The following SMYD3 variants were observed in gnomAD, a reference collection of about 807,000 sequenced individuals.
SMYD3 encodes the protein SET and MYND domain containing 3.
SMYD3 carries 36 observed loss-of-function variants against 57.7 expected under a neutral mutation model. The observed-to-expected ratio is 0.62, with a 90% CI of 0.48 to 0.82. The LOEUF (loss-of-function observed/expected upper bound fraction) is 0.82. Among genes scored for constraint, SMYD3 ranks in the 40% least tolerant of loss-of-function variants. SMYD3 has a pLI of 0.00. For synonymous variants in SMYD3, 211 were observed against 195.0 expected, an observed-to-expected ratio of 1.08 and a Z score of -0.68; for missense variants, 515 against 538.8, an observed-to-expected ratio of 0.96 and a Z score of 0.44.
intron 10 of SMYD3, among the ~76,000 whole-genome samples, chr1:245,836,191 A>G (rs1311842258): frequency 6.6e-6 from 1 of 152,246 alleles, no homozygotes; most frequent in African/African-American, 2.4e-5. Flanking sequence ...TCAGCTGGAT[A>G]TAAACAGAAG....
At position 246,171,409 on chromosome 1, in the gene SMYD3, G is replaced by A. The variant is rs113461172; in HGVS notation, c.531+155792C>T. On this transcript the variant is annotated intron_variant, in intron 5 of 11. Transcript: ENST00000490107. ...TCTTTTTCCAGAGGGATGGGGGTAG[G>A]GAGTGCCGGTGTCATCACTGGAAAA... Among the ~76,000 whole-genome samples, 243 of 152,148 alleles carry A rather than the reference G, an allele frequency of 1.6e-3. 1 individual carries two copies. The highest frequency in any genetic ancestry group is 5.4e-3 in the African/African-American group (225 of 41,496).
At chr1:245,856,726 G>A (rs1017783877) in intron 10 of SMYD3, among the ~76,000 whole-genome samples, 1 of 152,202 alleles carries the variant, frequency 6.6e-6, no homozygotes, top group Non-Finnish European at 1.5e-5. Flanking sequence ...CTGTGCTTAA[G>A]AGTGGCCCGA....
chr1:246,108,416 C>A (rs1275978284), intron 5 of SMYD3, among the ~76,000 whole-genome samples: 1 of 152,160 alleles, frequency 6.6e-6, no homozygotes, highest in Non-Finnish European at 1.5e-5. Flanking sequence ...AGATCACACC[C>A]TCACACAATT....
intron 8 of SMYD3, among the ~76,000 whole-genome samples, chr1:245,894,002 G>T (rs115968610): frequency 3.0e-3 from 456 of 152,288 alleles, no homozygotes; most frequent in African/African-American, 0.011. Flanking sequence ...CTTTGATATG[G>T]TTGTAGAGAG....
At chr1:245,883,662 C>T (rs181047789) in intron 8 of SMYD3, among the ~76,000 whole-genome samples, 1 of 152,260 alleles carries the variant, frequency 6.6e-6, no homozygotes, top group African/African-American at 2.4e-5. Context: ...TTTAAAGCAG[C>T]CTTTACCCAT....
intron 10 of SMYD3, among the ~76,000 whole-genome samples, chr1:245,773,281 C>A (rs970662844): frequency 6.6e-6 from 1 of 152,144 alleles, no homozygotes; most frequent in Non-Finnish European, 1.5e-5. Flanking sequence ...GGTGAGTGTC[C>A]TCATTAAGGG....
intron 5 of SMYD3, among the ~76,000 whole-genome samples, chr1:246,250,904 A>G (rs1370888234): frequency 6.6e-6 from 1 of 152,214 alleles, no homozygotes; most frequent in Non-Finnish European, 1.5e-5. Context: ...CTCAAAATTA[A>G]TTTACTTCAC....
chr1:246,049,001 G>T (rs2060016337), intron 5 of SMYD3, among the ~76,000 whole-genome samples: 1 of 152,152 alleles, frequency 6.6e-6, no homozygotes, highest in Non-Finnish European at 1.5e-5. Flanking sequence ...CATACGACGA[G>T]AGGATTTGGC....
At chr1:246,312,820 G>A (rs548688060) in intron 5 of SMYD3, among the ~76,000 whole-genome samples, 5 of 152,356 alleles carry the variant, frequency 3.3e-5, no homozygotes, top group African/African-American at 1.2e-4. Context: ...GAAGGACAAT[G>A]ATGAGCAGGT....
At chr1:245,938,858 T>C (rs2057094898) in intron 5 of SMYD3, among the ~76,000 whole-genome samples, 1 of 152,164 alleles carries the variant, frequency 6.6e-6, no homozygotes, top group Non-Finnish European at 1.5e-5. Context: ...CCTACACCGC[T>C]TCAGTGAGTT....
At chr1:246,104,638 G>A (rs1276710180) in intron 5 of SMYD3, among the ~76,000 whole-genome samples, 1 of 151,338 alleles carries the variant, frequency 6.6e-6, no homozygotes, top group Non-Finnish European at 1.5e-5. Flanking sequence ...ACTGGAAATG[G>A]GGGGAAAAAT....
At chr1:245,799,961 C>T (rs1572369348) in intron 10 of SMYD3, among the ~76,000 whole-genome samples, 1 of 152,222 alleles carries the variant, frequency 6.6e-6, no homozygotes, top group Non-Finnish European at 1.5e-5. Context: ...AAACAGTTGG[C>T]ATCACTTTGA....
chr1:246,198,335 G>C (rs2062857066), intron 5 of SMYD3, among the ~76,000 whole-genome samples: 1 of 152,156 alleles, frequency 6.6e-6, no homozygotes, highest in Non-Finnish European at 1.5e-5. Context: ...GCAAAGTGCA[G>C]GACTGATTTT....
chr1:245,798,364 A>G, intron 10 of SMYD3, among the ~76,000 whole-genome samples: 1 of 144,752 alleles, frequency 6.9e-6, no homozygotes, highest in Non-Finnish European at 1.5e-5. Flanking sequence ...TGAGGGAAGG[A>G]TCTTGACCTG....
chr1:246,051,908 A>G (rs1253246627), intron 5 of SMYD3, among the ~76,000 whole-genome samples: 2 of 152,268 alleles, frequency 1.3e-5, no homozygotes, highest in Non-Finnish European at 2.9e-5. Flanking sequence ...TAAATCAGAT[A>G]GGCAGATTTG....
intron 5 of SMYD3, among the ~76,000 whole-genome samples, chr1:246,210,360 A>G (rs977985991): frequency 6.6e-6 from 1 of 152,150 alleles, no homozygotes; most frequent in Non-Finnish European, 1.5e-5. Context: ...TAAATATGTG[A>G]GAACATAGGC....
rs1292753985 is a variant in SMYD3 at position 245,991,815 on chromosome 1, A to G, written c.532-61878T>C. ...GCCACACACACCAACTTACAACTGA[A>G]CCTCAGAAACGGCCTGCCGTCATTT... On this transcript the variant is annotated intron_variant, in intron 5 of 11. Coordinates refer to ENST00000490107, the MANE Select transcript of SMYD3 (RefSeq NM_001167740.2). Among the ~76,000 whole-genome samples, 501 of 138,808 alleles carry G rather than the reference A, an allele frequency of 3.6e-3. 4 individuals carry two copies. The highest frequency in any genetic ancestry group is 0.012 in the African/African-American group (442 of 37,294). The allele number at this position is 138,808 out of a possible 152,430, so 91.1% of individuals were successfully genotyped here.
At chr1:246,481,688 G>T (rs1188297441) in intron 1 of SMYD3, among the ~76,000 whole-genome samples, 1 of 137,932 alleles carries the variant, frequency 7.2e-6, no homozygotes, top group African/African-American at 2.7e-5. Flanking sequence ...TCATATATGA[G>T]TATATATGAT....
chr1:245,772,084 A>G (rs941471207), intron 10 of SMYD3, among the ~76,000 whole-genome samples: 3 of 152,136 alleles, frequency 2.0e-5, no homozygotes, highest in Admixed American at 6.5e-5. Context: ...CCAAAAGAAA[A>G]AGAACTTGGG....
Sources: allele counts gnomAD v4.1 joint callset (sites outside exome capture counted in the v4.1 genomes callset), GRCh38; gene constraint gnomAD v4.1.1; transcripts MANE v1.5; gene names NCBI Gene and HGNC (gene_info 2026-07-23, HGNC 2026-07-21).